ZSCAN25: variants seen among roughly 807,000 people sequenced by gnomAD.
The protein encoded by ZSCAN25 is zinc finger and SCAN domain containing 25.
In ZSCAN25, 27 loss-of-function variants were observed where a neutral mutation model predicts 38.7. That is an observed-to-expected ratio of 0.70 (90% CI 0.51 to 0.96). ZSCAN25 has a LOEUF of 0.96. ZSCAN25 is among the 40% of genes least tolerant of loss of function. The pLI is 0.00. For missense variants in ZSCAN25, 637 were observed against 705.9 expected (o/e 0.90, Z 1.11); for synonymous variants, 273 against 277.7 (o/e 0.98, Z 0.17).
rs1251636222 is a variant in ZSCAN25, at chr7:99,630,120, T to C, written c.*100T>C. The C allele has an allele frequency of 4.9e-6, 7 of 1,430,392 alleles. No homozygotes were observed. Among genetic ancestry groups the C allele is most frequent in the Non-Finnish European group, 6.4e-6 (7 of 1,095,174 alleles). The allele number at this position is 1,430,392 out of a possible 1,614,324, so 88.6% of individuals were successfully genotyped here. ...GCAGGAAAGCACTGGTCCCATCGCC[T>C]TCCCACCCATTCGCCAACGCGGGAA... On this transcript the variant is annotated 3_prime_UTR_variant, in exon 8 of 8. Transcript: ENST00000394152.
At chr7:99,654,768 C>T in the ZSCAN25 span, among the ~76,000 whole-genome samples, 1,690 of 152,272 alleles carry the variant, frequency 0.011, 32 homozygotes, top group African/African-American at 0.038. Flanking sequence ...TTTTAATGAT[C>T]GCCATTCTAA....
At chr7:99,642,968 G>C in the ZSCAN25 span, among the ~76,000 whole-genome samples, 1 of 152,154 alleles carries the variant, frequency 6.6e-6, no homozygotes, top group East Asian at 1.9e-4. Context: ...ACTTGGAAAG[G>C]ACCACATAGG....
the ZSCAN25 span, chr7:99,715,528 TACG>T: frequency 1.5e-6 from 1 of 645,212 alleles, no homozygotes; most frequent in African/African-American, 1.8e-5. Context: ...AGTGGTTATA[TACG>T]ACAACAGGAT....
At chr7:99,679,904 T>C in the ZSCAN25 span, 1 of 1,613,606 alleles carries the variant, frequency 6.2e-7, no homozygotes, top group South Asian at 1.1e-5. Context: ...CATCGCCACT[T>C]TCCTTCTTCA....
chr7:99,667,368 A>C, the ZSCAN25 span, among the ~76,000 whole-genome samples: 1 of 152,214 alleles, frequency 6.6e-6, no homozygotes, highest in East Asian at 1.9e-4. Context: ...AGTGGAATAG[A>C]CAGGAACAAG....
At chr7:99,691,507 C>G in the ZSCAN25 span, among the ~76,000 whole-genome samples, 4 of 152,270 alleles carry the variant, frequency 2.6e-5, no homozygotes, top group African/African-American at 9.6e-5. Flanking sequence ...GTTAAAGCCT[C>G]TCATTATTAT....
At chr7:99,680,045 G>C in the ZSCAN25 span, 7 of 687,960 alleles carry the variant, frequency 1.0e-5, no homozygotes, top group African/African-American at 1.8e-5. Context: ...GAAGGAGGCA[G>C]GGCTATAGCT....
At chr7:99,730,173 G>T in the ZSCAN25 span, among the ~76,000 whole-genome samples, 1 of 152,122 alleles carries the variant, frequency 6.6e-6, no homozygotes, top group South Asian at 2.1e-4. Flanking sequence ...AGGCACAAAG[G>T]CTCGACCAAA....
chr7:99,621,174 T>C (rs1806923327), intron 4 of ZSCAN25, 199 bp from the exon 5 acceptor site: 6 of 409,698 alleles, frequency 1.5e-5, no homozygotes, highest in Non-Finnish European at 8.3e-6. Flanking sequence ...TAAAAGTTGC[T>C]CAGGGCCTGA....
At chr7:99,727,334 A>G in the ZSCAN25 span, among the ~76,000 whole-genome samples, 4 of 152,178 alleles carry the variant, frequency 2.6e-5, no homozygotes, top group African/African-American at 9.7e-5. Context: ...TCAAAATCAC[A>G]AACTATGCTC....
chr7:99,666,781 C>T, the ZSCAN25 span: 4 of 1,602,288 alleles, frequency 2.5e-6, no homozygotes, highest in Non-Finnish European at 3.4e-6. Context: ...CAGTAAGTGA[C>T]ATTTTGTAAT....
chr7:99,637,285 A>G (rs1808319916), downstream of ZSCAN25, among the ~76,000 whole-genome samples: 1 of 152,230 alleles, frequency 6.6e-6, no homozygotes, highest in Non-Finnish European at 1.5e-5. Context: ...GTAACAAGGT[A>G]AAAGTATACA....
the ZSCAN25 span, among the ~76,000 whole-genome samples, chr7:99,707,249 A>G: frequency 6.6e-6 from 1 of 152,248 alleles, no homozygotes; most frequent in Non-Finnish European, 1.5e-5. Context: ...CGTATCCAAT[A>G]GAACTACCTT....
the ZSCAN25 span, chr7:99,715,545 TGGCA>T: frequency 1.3e-6 from 1 of 779,404 alleles, no homozygotes; most frequent in East Asian, 3.0e-5. Flanking sequence ...ACAGGATTTC[TGGCA>T]GGGGGTTGAT....
the ZSCAN25 span, among the ~76,000 whole-genome samples, chr7:99,664,700 C>T: frequency 6.6e-6 from 1 of 152,074 alleles, no homozygotes; most frequent in South Asian, 2.1e-4. Context: ...AAATTTATAG[C>T]TGTAATATCT....
the ZSCAN25 span, among the ~76,000 whole-genome samples, chr7:99,703,780 A>T: frequency 6.6e-6 from 1 of 152,008 alleles, no homozygotes; most frequent in South Asian, 2.1e-4. Context: ...TCCTGACCTC[A>T]CATGGGTTCT....
At chr7:99,641,257 A>G in the ZSCAN25 span, among the ~76,000 whole-genome samples, 18 of 152,292 alleles carry the variant, frequency 1.2e-4, no homozygotes, top group South Asian at 3.5e-3. Context: ...GGATGCAAAC[A>G]TGTCCTTCTT....
intron 1 of ZSCAN25, among the ~76,000 whole-genome samples, chr7:99,617,410 C>G (rs1248034005): frequency 3.9e-5 from 6 of 152,212 alleles, no homozygotes; most frequent in Non-Finnish European, 7.3e-5. Context: ...TAGCGAGACC[C>G]TGTCTCTACA....
the ZSCAN25 span, chr7:99,660,195 C>T: frequency 4.4e-5 from 44 of 995,282 alleles, no homozygotes; most frequent in Non-Finnish European, 5.1e-5. Context: ...TCCTGTTTGG[C>T]CATCTTCTCG....
Sources: allele counts gnomAD v4.1 joint callset (sites outside exome capture counted in the v4.1 genomes callset), GRCh38; gene constraint gnomAD v4.1.1; transcripts MANE v1.5; gene names NCBI Gene and HGNC (gene_info 2026-07-23, HGNC 2026-07-21).